The following LDB1 variants were observed in gnomAD, a reference collection of about 807,000 sequenced individuals.
The protein encoded by LDB1 is LIM domain-binding protein 1.
In LDB1, 6 loss-of-function variants were observed where a neutral mutation model predicts 49.7. That is an observed-to-expected ratio of 0.12 (90% confidence interval 0.07 to 0.24). LDB1 has a LOEUF of 0.24. LDB1 is among the 10% of genes least tolerant of loss of function. LDB1 has a pLI of 1.00. For missense variants in LDB1, 341 were observed against 561.7 expected (o/e 0.61, Z 3.97); for synonymous variants, 233 against 202.0 (o/e 1.15, Z -1.30).
At chr10:102,114,865 G>C (rs1383315759) in intron 1 of LDB1, 2 of 980,586 alleles carry the variant, frequency 2.0e-6, no homozygotes, top group African/African-American at 3.5e-5. Flanking sequence ...CACCAGGAGA[G>C]GCAGGACCCG....
At chr10:102,102,290 C>A (rs2068127945), downstream of LDB1, among the ~76,000 whole-genome samples, 1 of 152,160 alleles carries the variant, frequency 6.6e-6, no homozygotes, top group Non-Finnish European at 1.5e-5. Flanking sequence ...GTGTCATGAA[C>A]CAAGGTTATG....
At chr10:102,120,049 G>A (rs768762341) in intron 1 of LDB1, 37 bp downstream of exon 1, 59 of 1,414,146 alleles carry the variant, frequency 4.2e-5, no homozygotes, top group African/African-American at 7.4e-5. Flanking sequence ...GGGACGGCTG[G>A]GCAGGAAGGG....
chr10:102,109,941 G>A lies in LDB1; in HGVS notation c.628C>T (p.Arg210Cys), dbSNP rs1216848177. ...SIRQHRELIP[R>C]SILAMHAQDP... Reference sequence around the variant, plus strand: ...CTCACATGCATGGCAAGGATGCTGCGGGGGATGAGCTCTCGGTGCTGCCGG... The same window carrying A: ...CTCACATGCATGGCAAGGATGCTGCAGGGGATGAGCTCTCGGTGCTGCCGG... Residue 210 changes from arginine (R) to cysteine (C), a missense_variant, in exon 7 of 11, where the codon CGC becomes TGC. Around this residue, in one of 5 missense-constraint regions of LDB1, gnomAD observed 233 missense variants for 385.7 expected, o/e 0.60. Transcript: ENST00000673968. The surrounding 1 kb of genome is among the most constrained non-coding windows in gnomAD (Gnocchi z 5.8). 4 of 1,610,266 alleles carry A rather than the reference G, an allele frequency of 2.5e-6. No homozygotes were observed. The highest frequency in any genetic ancestry group is 2.2e-5 in the East Asian group (1 of 44,870).
chr10:102,111,392 CA>C, intron 2 of LDB1, 41 bp downstream of exon 2: 2 of 1,594,784 alleles, frequency 1.3e-6, no homozygotes, highest in Non-Finnish European at 1.7e-6. Context: ...GGCAGGATCC[CA>C]CCTGGAGAAG....
chr10:102,111,918 T>C (rs2068261244), intron 1 of LDB1, among the ~76,000 whole-genome samples: 1 of 152,130 alleles, frequency 6.6e-6, no homozygotes, highest in African/African-American at 2.4e-5. Context: ...ACTGTGTGGA[T>C]AGGGACGGTC....
intron 1 of LDB1, among the ~76,000 whole-genome samples, chr10:102,119,622 C>A (rs1420145726): frequency 1.3e-5 from 2 of 151,834 alleles, no homozygotes; most frequent in Non-Finnish European, 2.9e-5. Flanking sequence ...GCAATCAATA[C>A]CTCCCTGCAA....
intron 10 of LDB1, 50 bp downstream of exon 10, chr10:102,108,979 G>A: frequency 6.2e-7 from 1 of 1,612,980 alleles, no homozygotes; most frequent in South Asian, 1.1e-5. Context: ...AAGGGGTCAG[G>A]GGTGAGTGGT....
chr10:102,104,550 G>C (rs183123989), downstream of LDB1, among the ~76,000 whole-genome samples: 1 of 152,208 alleles, frequency 6.6e-6, no homozygotes, highest in African/African-American at 2.4e-5. Context: ...CTCTTCACCA[G>C]GGGTTCCTGG....
chr10:102,110,743 A>G (rs1256217304), intron 5 of LDB1, 42 bp from the exon 6 acceptor site: 1 of 1,600,714 alleles, frequency 6.2e-7, no homozygotes, highest in South Asian at 1.1e-5. Flanking sequence ...AGGGACCGCA[A>G]AAGGGGCCAG....
In LDB1 at chr10:102,108,061, G is replaced by A. The variant is rs748481424; in HGVS notation, c.*32C>T. On this transcript the variant is annotated 3_prime_UTR_variant, in exon 11 of 11. Transcript: ENST00000673968. Reference sequence around the variant, plus strand: ...GGGGCTGTGAGGGGTGGGGCAGGTAGGCAGAGCACTGGGTGGCCACAGCAG... The same window carrying A: ...GGGGCTGTGAGGGGTGGGGCAGGTAAGCAGAGCACTGGGTGGCCACAGCAG... The A allele has an allele frequency of 5.3e-6, 8 of 1,522,376 alleles. No individual in the cohort carries two copies. The highest frequency in any genetic ancestry group is 7.3e-6 in the Non-Finnish European group (8 of 1,098,310). 94.3% of individuals were successfully genotyped at this position (1,522,376 alleles called of 1,614,324 possible). A position where few individuals can be genotyped will look rare whatever the true frequency, so the allele number is the denominator to read the frequency against.
chr10:102,120,739 C>T (rs1274996252), upstream of LDB1, among the ~76,000 whole-genome samples: 1 of 152,172 alleles, frequency 6.6e-6, no homozygotes, highest in East Asian at 1.9e-4. Context: ...GGCGCAGCCG[C>T]GCGCTCGGTG....
chr10:102,108,287 C>T lies in LDB1; in HGVS notation c.1042G>A (p.Gly348Arg), dbSNP rs757570010. ...MVVGEPTLMG[G>R]EFGDEDERLI... ...CTCTCGTCCTCGTCCCCGAACTCCC[C>T]GCCCATCAGGGTGGGCTCCCCCACC... Residue 348 changes from glycine to arginine, a missense_variant, in exon 11 of 11, where the codon GGG becomes AGG. This residue lies in a region of LDB1 where 7 missense variants were observed against 44.2 expected (regional missense o/e 0.16). Transcript: ENST00000673968. 1.9e-6 allele frequency: 3 copies of T among 1,614,032 alleles called. No individual in the cohort carries two copies. Among genetic ancestry groups the T allele is most frequent in the South Asian group, 1.1e-5 (1 of 91,082 alleles).
chr10:102,110,519 G>A lies in LDB1; in HGVS notation c.525+10C>T. The A allele has an allele frequency of 6.2e-7, 1 of 1,607,370 alleles. No individual in the cohort carries two copies. The highest frequency in any genetic ancestry group is 1.1e-5 in the South Asian group (1 of 90,062). On this transcript the variant is annotated intron_variant, in intron 6 of 10. Coordinates refer to ENST00000673968, the MANE Select transcript of LDB1 (RefSeq NM_001113407.3). Reference sequence around the variant, plus strand: ...TGCCATGGTGTTCCACATCCAGCTGGGTTGCTGACCTGGGTGAACATGGGC... The same window carrying A: ...TGCCATGGTGTTCCACATCCAGCTGAGTTGCTGACCTGGGTGAACATGGGC...
intron 1 of LDB1, among the ~76,000 whole-genome samples, chr10:102,119,355 G>A (rs2068378293): frequency 6.7e-6 from 1 of 150,314 alleles, no homozygotes; most frequent in African/African-American, 2.4e-5. Flanking sequence ...CCTGGCAAGA[G>A]CTGATATGTT....
intron 1 of LDB1, chr10:102,114,283 C>A: frequency 1.0e-6 from 1 of 957,856 alleles, no homozygotes; most frequent in Non-Finnish European, 1.2e-6. Flanking sequence ...CACAGGTCAG[C>A]AGGCCTGAGC....
Position 102,107,924 on chromosome 10 carries a change from G to T in LDB1, c.*169C>A, listed in dbSNP as rs572790384. On this transcript the variant is annotated 3_prime_UTR_variant, in exon 11 of 11. Transcript: ENST00000673968. ...GGCCAGGCCCAGCCCAGGGCCACTG[G>T]GGGGGCAAATCTTGGCACCTGCCCC... The T allele has an allele frequency of 9.0e-6, 6 of 666,658 alleles. No individual in the cohort carries two copies. The highest frequency in any genetic ancestry group is 2.6e-5 in the Admixed American group (1 of 38,908). The allele number at this position is 666,658 out of a possible 1,614,324, so 41.3% of individuals were successfully genotyped here. A position where few individuals can be genotyped will look rare whatever the true frequency, so the allele number is the denominator to read the frequency against.
At chr10:102,104,506 G>GGAGGGTCTCTCTCTTCC (rs1312173553), downstream of LDB1, among the ~76,000 whole-genome samples, 1 of 152,112 alleles carries the variant, frequency 6.6e-6, no homozygotes, top group Non-Finnish European at 1.5e-5. Context: ...TGAGGGTTTT[G>GGAGGGTCTCTCTCTTCC]GAGGGTCTCT....
rs1045173655 is a variant in LDB1, at chr10:102,106,661, G to A, written c.*1432C>T. 2.0e-5 allele frequency among the ~76,000 whole-genome samples: 3 copies of A among 150,322 alleles called. No homozygotes were observed. The highest frequency in any genetic ancestry group is 2.5e-5 in the African/African-American group (1 of 40,754). On this transcript the variant is annotated 3_prime_UTR_variant, in exon 11 of 11. Transcript: ENST00000673968. ...CCTGACTCAATACCCTTCCAAAAGT[G>A]GCAGCTGGAGTGGAGGAAATACGGT... is the stretch of plus-strand genomic sequence containing the variant.
chr10:102,114,372 A>AC, intron 1 of LDB1: 1 of 985,956 alleles, frequency 1.0e-6, no homozygotes, highest in Non-Finnish European at 1.2e-6. Flanking sequence ...CCTTCCGCCC[A>AC]CCCCCAACAG....
Sources: gnomAD v4.1 joint callset for allele counts (sites outside exome capture counted in the v4.1 genomes callset) on GRCh38, gnomAD v4.1.1 for gene constraint, gnomAD v4.1.1 regional missense constraint, Gnocchi (gnomAD v3.1) non-coding constraint, MANE v1.5 for transcripts, NCBI Gene and HGNC (gene_info 2026-07-23, HGNC 2026-07-21) for gene names.